TAFA2: variants seen among roughly 807,000 people sequenced by gnomAD.
TAFA2 encodes the protein TAFA chemokine like family member 2.
In TAFA2, 7 loss-of-function variants were observed where a neutral mutation model predicts 18.8. That is an observed-to-expected ratio of 0.37 (90% CI 0.21 to 0.70). The LOEUF is 0.70. TAFA2 is among the 30% of genes least tolerant of loss of function. The probability of loss-of-function intolerance (pLI) is 0.53; values close to 1 mark genes in which losing one functional copy is unlikely to be tolerated. For missense variants in TAFA2, 122 were observed against 158.1 expected, an observed-to-expected ratio of 0.77 and a Z score of 1.23; for synonymous variants, 60 against 54.2, an observed-to-expected ratio of 1.11 and a Z score of -0.47.
intron 2 of TAFA2, among the ~76,000 whole-genome samples, chr12:61,801,704 G>C (rs951950357): frequency 1.3e-5 from 2 of 152,010 alleles, no homozygotes; most frequent in African/African-American, 4.8e-5. Flanking sequence ...TTGAGCCAAA[G>C]ATTTTATGGG....
At chr12:61,743,752 C>T (rs1363765930) in intron 4 of TAFA2, among the ~76,000 whole-genome samples, 1 of 151,988 alleles carries the variant, frequency 6.6e-6, no homozygotes, top group Non-Finnish European at 1.5e-5. Flanking sequence ...ACCCCACTCT[C>T]CAGAGTAAGA....
intron 1 of TAFA2, among the ~76,000 whole-genome samples, chr12:62,249,260 CCTTTT>C (rs1424324533): frequency 6.9e-5 from 8 of 115,648 alleles, no homozygotes; most frequent in African/African-American, 1.1e-4. Flanking sequence ...ACTGCTCCCT[CCTTTT>C]TTTTCCTAAA....
At chr12:61,829,479 T>G (rs1222347880) in intron 2 of TAFA2, among the ~76,000 whole-genome samples, 1 of 151,736 alleles carries the variant, frequency 6.6e-6, no homozygotes, top group East Asian at 1.9e-4. Context: ...CTTTATATAT[T>G]GAACAATTAT....
chr12:61,947,482 TAAATAAAA>T (rs1179303924), intron 1 of TAFA2, among the ~76,000 whole-genome samples: 3 of 152,038 alleles, frequency 2.0e-5, no homozygotes, highest in South Asian at 2.1e-4. Flanking sequence ...AATAAATAAA[TAAATAAAA>T]AAGAATTTTG....
intron 1 of TAFA2, among the ~76,000 whole-genome samples, chr12:62,241,910 G>T (rs1293077324): frequency 2.6e-5 from 4 of 152,098 alleles, no homozygotes; most frequent in African/African-American, 4.8e-5. Flanking sequence ...CATGCTTTAA[G>T]TGAGGTAAAA....
chr12:62,175,805 C>T (rs1487019764), intron 1 of TAFA2, among the ~76,000 whole-genome samples: 3 of 151,704 alleles, frequency 2.0e-5, no homozygotes, highest in Non-Finnish European at 4.4e-5. Flanking sequence ...ATTACTATTC[C>T]ATTATATAAG....
intron 1 of TAFA2, among the ~76,000 whole-genome samples, chr12:62,053,862 T>C (rs1882118712): frequency 6.6e-6 from 1 of 152,236 alleles, no homozygotes; most frequent in Non-Finnish European, 1.5e-5. Context: ...TTACATGAGA[T>C]AATATTTATA....
intron 1 of TAFA2, among the ~76,000 whole-genome samples, chr12:62,190,107 A>G (rs1434510513): frequency 2.6e-5 from 4 of 152,092 alleles, no homozygotes; most frequent in African/African-American, 9.7e-5. Flanking sequence ...CACGCAGCAA[A>G]GGTGAAGAGA....
intron 4 of TAFA2, among the ~76,000 whole-genome samples, chr12:61,749,981 T>C (rs916311446): frequency 2.1e-5 from 3 of 145,824 alleles, no homozygotes; most frequent in Non-Finnish European, 4.4e-5. Flanking sequence ...GAAGAAAGAA[T>C]ATCAAAACAC....
chr12:61,919,368 T>C (rs1876954512), intron 1 of TAFA2, among the ~76,000 whole-genome samples: 2 of 152,194 alleles, frequency 1.3e-5, no homozygotes, highest in South Asian at 4.1e-4. Context: ...CCCTCTCATA[T>C]GTTACTCTTT....
At chr12:61,790,678 C>T (rs1870937563) in intron 2 of TAFA2, among the ~76,000 whole-genome samples, 1 of 151,672 alleles carries the variant, frequency 6.6e-6, no homozygotes, top group South Asian at 2.1e-4. Context: ...GATCTCTACA[C>T]TGAAAACTAT....
At chr12:62,039,650 G>A (rs1881705849) in intron 1 of TAFA2, among the ~76,000 whole-genome samples, 1 of 152,152 alleles carries the variant, frequency 6.6e-6, no homozygotes, top group African/African-American at 2.4e-5. Flanking sequence ...GTATGTTTGA[G>A]AATACTACTA....
At chr12:61,941,587 T>G (rs978268300) in intron 1 of TAFA2, among the ~76,000 whole-genome samples, 20 of 152,280 alleles carry the variant, frequency 1.3e-4, no homozygotes, top group African/African-American at 4.6e-4. Context: ...CGCAGGCCAG[T>G]GGGTGCGTGC....
chr12:62,017,206 TG>T (rs1430263537), intron 1 of TAFA2, among the ~76,000 whole-genome samples: 5 of 149,214 alleles, frequency 3.4e-5, no homozygotes, highest in Non-Finnish European at 7.5e-5. Flanking sequence ...ATCATTGTTT[TG>T]AAAGTTACAT....
rs929955249 is a variant in TAFA2, at chr12:61,803,206, A to G, written c.107-48182T>C. Among the ~76,000 whole-genome samples the G allele has an allele frequency of 3.3e-5, 5 of 151,976 alleles. No individual in the cohort carries two copies. The South Asian group carries it at 1.0e-3, about 31-fold the overall frequency. ...AAAGATATATTAAATGACTGGCAAT[A>G]CTTACTAGTGAGCATGCCTGCTGTT... On this transcript the variant is annotated intron_variant, in intron 2 of 4. Transcript: ENST00000416284.
rs1555162980 is a variant in TAFA2, at chr12:61,762,633, T to TATATATATATA, written c.107-7610_107-7609insTATATATATAT. ...TCTATAGAAGTTCTAATTTCATTTT[T>TATATATATATA]TATATATATATATATATACATACAC... On this transcript the variant is annotated intron_variant, in intron 2 of 4. Transcript: ENST00000416284. Among the ~76,000 whole-genome samples the TATATATATATA allele has an allele frequency of 2.0e-3, 297 of 147,604 alleles. 3 individuals carry two copies. The highest frequency in any genetic ancestry group is 3.6e-3 in the Middle Eastern group (1 of 280).
intron 1 of TAFA2, among the ~76,000 whole-genome samples, chr12:62,083,887 C>G (rs1868361982): frequency 6.6e-6 from 1 of 151,974 alleles, no homozygotes; most frequent in Non-Finnish European, 1.5e-5. Context: ...TTTTTATAAT[C>G]TAATTTGAAT....
intron 1 of TAFA2, among the ~76,000 whole-genome samples, chr12:62,112,780 G>T (rs1869790810): frequency 6.6e-6 from 1 of 151,818 alleles, no homozygotes; most frequent in Non-Finnish European, 1.5e-5. Flanking sequence ...TTTGGCTATT[G>T]ATATTTGTGT....
intron 1 of TAFA2, among the ~76,000 whole-genome samples, chr12:61,977,641 C>T (rs985145765): frequency 1.3e-5 from 2 of 152,038 alleles, no homozygotes; most frequent in African/African-American, 4.8e-5. Context: ...GTTGGTAGAC[C>T]AGCGAAGTAA....
Sources: gnomAD v4.1 joint callset for allele counts (sites outside exome capture counted in the v4.1 genomes callset) on GRCh38, gnomAD v4.1.1 for gene constraint, MANE v1.5 for transcripts, NCBI Gene and HGNC (gene_info 2026-07-23, HGNC 2026-07-21) for gene names.